The following PIEZO1 variants were observed in gnomAD, a reference collection of about 807,000 sequenced individuals.
The protein encoded by PIEZO1 is piezo-type mechanosensitive ion channel component 1.
Under a neutral mutation model 297.2 loss-of-function variants are expected in PIEZO1, and 296 were observed. The ratio of observed to expected loss-of-function variants is 1.00; its 90% CI spans 0.91 to 1.10. The LOEUF is 1.10. Ranked by LOEUF, PIEZO1 falls within the 50% of genes least tolerant of loss-of-function variation. The pLI is 0.00. For synonymous variants in PIEZO1, 2,427 were observed against 1,507.5 expected (o/e 1.61, Z -14.13); for missense variants, 5,018 against 3,455.5 (o/e 1.45, Z -11.34).
At chr16:88,772,579 G>C (rs191975099) in intron 1 of PIEZO1, among the ~76,000 whole-genome samples, 213 of 152,112 alleles carry the variant, frequency 1.4e-3, no homozygotes, top group Middle Eastern at 3.4e-3. Context: ...AACAGATCAA[G>C]ACCATCCTGG....
At chr16:88,733,497 T>C (rs1281205986) in intron 18 of PIEZO1, 43 bp from the exon 19 acceptor site, 8 of 1,531,522 alleles carry the variant, frequency 5.2e-6, no homozygotes, top group East Asian at 2.5e-5. Context: ...GGGAGGGCAG[T>C]GGGCACGTGG....
At chr16:88,758,269 C>T (rs1906769428) in intron 1 of PIEZO1, among the ~76,000 whole-genome samples, 1 of 152,128 alleles carries the variant, frequency 6.6e-6, no homozygotes, top group African/African-American at 2.4e-5. Context: ...GCATTCAAGG[C>T]TCCCACCACT....
At chr16:88,726,026 G>A (rs1362554277) in intron 27 of PIEZO1, 1 of 569,418 alleles carries the variant, frequency 1.8e-6, no homozygotes, top group Admixed American at 3.3e-5. Context: ...AGCCCTTAGT[G>A]GGAAAGTTGG....
At position 88,716,383 on chromosome 16, in the gene PIEZO1, C is replaced by A; in HGVS notation, c.7027G>T (p.Glu2343Ter). 1 of 1,545,748 alleles carries A rather than the reference C, an allele frequency of 6.5e-7. No homozygotes were observed. The highest frequency in any genetic ancestry group is 1.2e-5 in the South Asian group (1 of 83,538). Residue 2343 changes from glutamate to a stop codon, truncating the protein, a stop_gained, in exon 48 of 51, where the codon GAG (glutamate) becomes TAG (stop). Transcript: ENST00000301015. LOFTEE classifies it high-confidence loss of function. ...TARRQLASLL[E>*]GTSDQSVVIP... ...CACACAGACTGGTCCGAGGTGCCCT[C>A]GAGCAGGCTGGCCAGCTGCCGCCGT...
chr16:88,733,218 G>C (rs552647278), intron 19 of PIEZO1, 60 bp downstream of exon 19: 1 of 1,443,806 alleles, frequency 6.9e-7, no homozygotes, highest in South Asian at 1.3e-5. Flanking sequence ...CAGGAGGGTC[G>C]GGCTGCGAAT....
intron 1 of PIEZO1, among the ~76,000 whole-genome samples, chr16:88,782,785 G>T (rs1021249649): frequency 2.6e-5 from 4 of 152,194 alleles, no homozygotes; most frequent in African/African-American, 9.7e-5. Flanking sequence ...GCACATCGCG[G>T]GTCCATCTGG....
chr16:88,758,993 T>A (rs1906801404), intron 1 of PIEZO1, among the ~76,000 whole-genome samples: 1 of 152,238 alleles, frequency 6.6e-6, no homozygotes, highest in Non-Finnish European at 1.5e-5. Context: ...ACCAAGCTGT[T>A]GCGTCTGCTC....
At chr16:88,779,461 C>T (rs1907827455) in intron 1 of PIEZO1, among the ~76,000 whole-genome samples, 1 of 152,216 alleles carries the variant, frequency 6.6e-6, no homozygotes, top group African/African-American at 2.4e-5. Context: ...GTGCGGGGCC[C>T]CCAACCTCCT....
At chr16:88,718,651 G>C (rs2142756421) in intron 44 of PIEZO1, 1 of 152,388 alleles carries the variant, frequency 6.6e-6, no homozygotes, top group East Asian at 1.9e-4. Context: ...ACCTAGACAA[G>C]GGGTTACTAG....
Position 88,715,381 on chromosome 16 carries a change from A to G in PIEZO1, c.*224T>C, listed in dbSNP as rs1911908768. The G allele has an allele frequency of 8.7e-7, 1 of 1,148,610 alleles. No homozygotes were observed. The highest frequency in any genetic ancestry group is 2.7e-5 in the Admixed American group (1 of 37,044). The allele number at this position is 1,148,610 out of a possible 1,614,324, so 71.2% of individuals were successfully genotyped here. On this transcript the variant is annotated 3_prime_UTR_variant, in exon 51 of 51. Transcript: ENST00000301015. ...TAAATAAAACATTTTTTAATTAAAA[A>G]AAAAACTCTACAGTACACGTGGGGG...
chr16:88,735,518 C>T (rs1381674267), intron 12 of PIEZO1, among the ~76,000 whole-genome samples: 1 of 152,286 alleles, frequency 6.6e-6, no homozygotes, highest in Non-Finnish European at 1.5e-5. Flanking sequence ...TTCACGTGGG[C>T]ACAGATCCAT....
chr16:88,776,863 G>C (rs1182205506), intron 1 of PIEZO1, among the ~76,000 whole-genome samples: 1 of 152,222 alleles, frequency 6.6e-6, no homozygotes, highest in Non-Finnish European at 1.5e-5. Context: ...GTCCCAAGAG[G>C]GGAATGTGTG....
At chr16:88,764,751 CAA>C (rs532714692) in intron 1 of PIEZO1, among the ~76,000 whole-genome samples, 6 of 90,388 alleles carry the variant, frequency 6.6e-5, no homozygotes, top group Admixed American at 3.6e-4. Flanking sequence ...AACTCCGTCT[CAA>C]AAAAAAAAAA....
intron 39 of PIEZO1, among the ~76,000 whole-genome samples, 200 bp downstream of exon 39, chr16:88,720,966 G>A (rs1431988783): frequency 2.0e-5 from 3 of 152,168 alleles, no homozygotes; most frequent in Non-Finnish European, 2.9e-5. Context: ...CACCCTACAC[G>A]TGGGGAGCAT....
chr16:88,733,406 G>T lies in PIEZO1; in HGVS notation c.2536C>A (p.Pro846Thr), dbSNP rs892846116. The T allele has an allele frequency of 1.9e-6, 3 of 1,549,934 alleles. No homozygotes were observed. The South Asian group carries it at 3.6e-5, about 18-fold the overall frequency. Reference sequence around the variant, plus strand: ...GCCATGGGCCGGAAGCGTGGGTAGGGCAGGGCGAAGGCCCACAGCACCACC... The same window carrying T: ...GCCATGGGCCGGAAGCGTGGGTAGGTCAGGGCGAAGGCCCACAGCACCACC... ...LLVVLWAFALPYPRFRPMASC... is the reference protein window; with the variant it reads ...LLVVLWAFALTYPRFRPMASC... Residue 846 changes from proline to threonine, a missense_variant, in exon 19 of 51, where the codon CCC (proline) becomes ACC (threonine). By Grantham distance (38) the Pro-to-Thr change is conservative (BLOSUM62 -1). Transcript: ENST00000301015.
At position 88,736,200 on chromosome 16, in the gene PIEZO1, C is replaced by T. The variant is rs767779703; in HGVS notation, c.1505G>A (p.Arg502His). 20 of 1,549,430 alleles carry T rather than the reference C, an allele frequency of 1.3e-5. No individual in the cohort carries two copies. The highest frequency in any genetic ancestry group is 4.9e-5 in the East Asian group (2 of 40,932). ...GCGGGTGTGCTCCAGCCCCAGCTGG[C>T]GCAGGCTGACGGGGCCCAGGGTGGT... ...LPTTLGPVSL[R>H]QLGLEHTRYP... Residue 502 changes from arginine (R) to histidine (H), a missense_variant, in exon 12 of 51, where the codon CGC becomes CAC. Coordinates refer to ENST00000301015, the MANE Select transcript of PIEZO1 (RefSeq NM_001142864.4).
At chr16:88,717,432 G>A in intron 44 of PIEZO1, 1 of 641,714 alleles carries the variant, frequency 1.6e-6, no homozygotes, top group East Asian at 2.9e-5. Context: ...AGGGAGCTGT[G>A]ACCGTTCAGT....
intron 1 of PIEZO1, among the ~76,000 whole-genome samples, chr16:88,773,329 G>C (rs1313648021): frequency 6.6e-6 from 1 of 152,284 alleles, no homozygotes; most frequent in East Asian, 1.9e-4. Flanking sequence ...CCGCAGAGGA[G>C]GTCTGCCCAC....
intron 1 of PIEZO1, among the ~76,000 whole-genome samples, chr16:88,771,774 C>T (rs1334541678): frequency 1.5e-5 from 2 of 135,998 alleles, no homozygotes; most frequent in Non-Finnish European, 3.2e-5. Context: ...CACCCGCGGC[C>T]CCAGGCCCTC....
Sources: gnomAD v4.1 joint callset for allele counts (sites outside exome capture counted in the v4.1 genomes callset) on GRCh38, gnomAD v4.1.1 for gene constraint, MANE v1.5 for transcripts, NCBI Gene and HGNC (gene_info 2026-07-23, HGNC 2026-07-21) for gene names.